Variants in ACSL6 observed in about 807,000 individuals in gnomAD.
ACSL6 encodes long-chain-fatty-acid--CoA ligase 6.
Under a neutral mutation model 98.2 loss-of-function variants are expected in ACSL6, and 47 were observed. The observed-to-expected ratio is 0.48, with a 90% CI of 0.38 to 0.61. The LOEUF is 0.61. Ranked by LOEUF, ACSL6 falls within the 20% of genes least tolerant of loss-of-function variation. The pLI, the probability that ACSL6 is intolerant of heterozygous loss-of-function variation, is 0.00. For synonymous variants in ACSL6, 362 were observed against 336.9 expected (o/e 1.07, Z -0.82); for missense variants, 761 against 913.4 (o/e 0.83, Z 2.15).
intron 1 of ACSL6, among the ~76,000 whole-genome samples, chr5:132,008,746 T>G (rs938964128): frequency 5.9e-5 from 9 of 152,222 alleles, no homozygotes; most frequent in Admixed American, 5.2e-4. Context: ...CCTCCCTATC[T>G]CTGACAAATT....
Position 131,986,748 on chromosome 5 carries a change from C to T in ACSL6, c.864+74G>A. The T allele has an allele frequency of 3.2e-6, 5 of 1,565,694 alleles. No homozygotes were observed. The South Asian group carries it at 3.3e-5, about 10-fold the overall frequency. ...TAACACAGAGGTGCTGTTCTGTGCA[C>T]AGTGAGGGACTCTGTGAGGACAGGC... On this transcript the variant is annotated intron_variant, in intron 8 of 20. Transcript: ENST00000651883.
chr5:132,011,501 T>G lies in ACSL6; in HGVS notation c.49+4A>C. On this transcript the variant is annotated splice_donor_region_variant and intron_variant, in intron 1 of 20. Coordinates refer to ENST00000651883, the MANE Select transcript of ACSL6 (RefSeq NM_001009185.3). The surrounding 1 kb of genome is among the most constrained non-coding windows in gnomAD (Gnocchi z 5.4). ...TCCGGGACGCGGACAGGACGGGCAC[T>G]TACCTACGAATAGCCAGAGGGAGCC... 1 of 1,609,268 alleles carries G rather than the reference T, an allele frequency of 6.2e-7. No homozygotes were observed. The highest frequency in any genetic ancestry group is 1.1e-5 in the South Asian group (1 of 90,952).
intron 17 of ACSL6, among the ~76,000 whole-genome samples, chr5:131,963,652 T>C (rs962743703): frequency 6.6e-5 from 10 of 152,170 alleles, no homozygotes; most frequent in Non-Finnish European, 1.2e-4. Flanking sequence ...GGCTCACCTG[T>C]CCTTGCTCAC....
At chr5:132,001,040 T>C (rs944903161) in intron 1 of ACSL6, among the ~76,000 whole-genome samples, 1 of 152,056 alleles carries the variant, frequency 6.6e-6, no homozygotes, top group African/African-American at 2.4e-5. Flanking sequence ...AATGAACGAA[T>C]ATCTGAGCAC....
intron 15 of ACSL6, 51 bp from the exon 16 acceptor site, chr5:131,968,079 C>T (rs750906361): frequency 6.6e-7 from 1 of 1,525,702 alleles, no homozygotes; most frequent in Non-Finnish European, 9.1e-7. Context: ...TCTGTTTTAG[C>T]ACTGAAGATG....
At position 131,974,610 on chromosome 5, in the gene ACSL6, G is replaced by GC. The variant is rs1561787572; in HGVS notation, c.1068+282dup. On this transcript the variant is annotated intron_variant, in intron 11 of 20. Coordinates refer to ENST00000651883, the MANE Select transcript of ACSL6 (RefSeq NM_001009185.3). Reference sequence around the variant, plus strand: ...GCTCCCAGGAGGGACAAGTGGGGTGGCTAAAGTCCTCTGAGCCCTCTGACC... The same window carrying GC: ...GCTCCCAGGAGGGACAAGTGGGGTGGCCTAAAGTCCTCTGAGCCCTCTGACC... 69 of 865,274 alleles carry GC rather than the reference G, an allele frequency of 8.0e-5. 1 individual carries two copies. The South Asian group carries it at 1.1e-3, about 14-fold the overall frequency. 53.6% of individuals were successfully genotyped at this position (865,274 alleles called of 1,614,324 possible).
intron 17 of ACSL6, among the ~76,000 whole-genome samples, chr5:131,964,566 A>G (rs1752909025): frequency 6.6e-6 from 1 of 152,258 alleles, no homozygotes; most frequent in East Asian, 1.9e-4. Context: ...GTTACAGGGC[A>G]TCAGCAGCAG....
chr5:131,972,581 T>C lies in ACSL6; in HGVS notation c.1338+143A>G, dbSNP rs1753370936. 1.8e-5 allele frequency: 19 copies of C among 1,043,034 alleles called. No individual in the cohort carries two copies. In the South Asian group the frequency reaches 2.6e-4, roughly 14 times the overall value. 64.6% of individuals were successfully genotyped at this position (1,043,034 alleles called of 1,614,324 possible). The stretch of plus-strand genomic sequence containing the variant: ...ATGTCTAAGTTTAAAATTTCAATCA[T>C]AGCTTAAGCTTTGATTTCATGAGCA... On this transcript the variant is annotated intron_variant, in intron 13 of 20. Transcript: ENST00000651883.
chr5:131,999,318 T>G (rs1041716083), intron 1 of ACSL6: 1 of 152,166 alleles, frequency 6.6e-6, no homozygotes, highest in South Asian at 2.1e-4. Flanking sequence ...GGGAAACACT[T>G]AGTAGATAGC....
In ACSL6 at chr5:131,973,362, G is replaced by A; in HGVS notation, c.1107C>T (p.Phe369=). The A allele has an allele frequency of 6.2e-7, 1 of 1,614,198 alleles. No individual in the cohort carries two copies. ...CTGAGAGAAGGCGGATATCTCCCTG[G>A]AAGAAGCCAACACGCCCTCCGTGGC... is the stretch of plus-strand genomic sequence containing the variant. ...VYCHGGRVGF[F]QGDIRLLSDD... Residue 369 remains phenylalanine (F), a synonymous_variant, in exon 12 of 21, where the codon TTC becomes TTT. Transcript: ENST00000651883.
intron 1 of ACSL6, among the ~76,000 whole-genome samples, chr5:132,009,341 G>C (rs1305784330): frequency 2.6e-5 from 4 of 152,168 alleles, no homozygotes; most frequent in African/African-American, 9.7e-5. Flanking sequence ...CCTGTTACTG[G>C]CTGAGTGGAA....
Position 131,954,056 on chromosome 5 carries a change from A to C in ACSL6, c.*178T>G, listed in dbSNP as rs555332897. Reference sequence around the variant, plus strand: ...AATATCATTTTTATAATAAAAATAAAATATACTCATTGATGATAGAGAAAA... The same window carrying C: ...AATATCATTTTTATAATAAAAATAACATATACTCATTGATGATAGAGAAAA... On this transcript the variant is annotated 3_prime_UTR_variant, in exon 21 of 21. Transcript: ENST00000651883. The C allele has an allele frequency of 4.4e-6, 2 of 458,522 alleles. No individual in the cohort carries two copies. Among genetic ancestry groups the C allele is most frequent in the African/African-American group, 4.0e-5 (2 of 49,588 alleles). 28.4% of individuals were successfully genotyped at this position (458,522 alleles called of 1,614,324 possible). A position where few individuals can be genotyped will look rare whatever the true frequency, so the allele number is the denominator to read the frequency against.
At chr5:131,974,703 G>A (rs1007435020) in intron 11 of ACSL6, 190 bp downstream of exon 11, 17 of 1,559,660 alleles carry the variant, frequency 1.1e-5, no homozygotes, top group South Asian at 3.5e-5. Context: ...AGTGACACCC[G>A]CTAGGGTTAT....
intron 2 of ACSL6, among the ~76,000 whole-genome samples, chr5:131,991,906 ATTGG>A (rs1478277254): frequency 6.6e-6 from 1 of 152,210 alleles, no homozygotes; most frequent in Non-Finnish European, 1.5e-5. Context: ...GAAAGTTCTG[ATTGG>A]CCAGTGCTTT....
chr5:132,012,122 T>G (rs898751186), upstream of ACSL6: 2 of 617,974 alleles, frequency 3.2e-6, no homozygotes, highest in African/African-American at 3.8e-5. Flanking sequence ...TGTGGGCTGT[T>G]GCCCGCTGAC....
chr5:131,990,832 C>T (rs893867753), intron 3 of ACSL6, 21 bp downstream of exon 3: 13 of 1,606,450 alleles, frequency 8.1e-6, no homozygotes, highest in Non-Finnish European at 1.1e-5. Flanking sequence ...CCTCCACACC[C>T]CCCCCCACAA....
At chr5:131,982,635 T>C (rs539896424) in intron 9 of ACSL6, 3 of 152,448 alleles carry the variant, frequency 2.0e-5, no homozygotes, top group African/African-American at 4.8e-5. Context: ...GGGCCCTCTC[T>C]TTTCCTCTCA....
Position 131,970,169 on chromosome 5 carries a change from G to A in ACSL6, c.1466C>T (p.Thr489Ile). The A allele has an allele frequency of 1.9e-6, 3 of 1,614,122 alleles. No individual in the cohort carries two copies. Among genetic ancestry groups the A allele is most frequent in the Non-Finnish European group, 2.5e-6 (3 of 1,180,020 alleles). The change falls in exon 15 of 21, where the codon ACA becomes ATA. Residue 489 changes from threonine to isoleucine, a missense_variant. Thr to Ile is a moderately conservative substitution (Grantham distance 89, BLOSUM62 -1). Coordinates refer to ENST00000651883, the MANE Select transcript of ACSL6 (RefSeq NM_001009185.3). ...AGGAGTGGTGAAGGTACATCCAGCT[G>A]TGCACTCAGTTTGGCCATAACCTTC... Reference protein sequence around the residue: ...VYEGYGQTECTAGCTFTTPGD... With the variant: ...VYEGYGQTECIAGCTFTTPGD...
chr5:131,975,928 C>T, intron 10 of ACSL6: 1 of 985,484 alleles, frequency 1.0e-6, no homozygotes, highest in Admixed American at 6.1e-5. Flanking sequence ...CTAAAATAAA[C>T]TGTCTCTCAC....
Sources: gnomAD v4.1 joint callset for allele counts (sites outside exome capture counted in the v4.1 genomes callset) on GRCh38, gnomAD v4.1.1 for gene constraint, Gnocchi (gnomAD v3.1) non-coding constraint, MANE v1.5 for transcripts, NCBI Gene and HGNC (gene_info 2026-07-23, HGNC 2026-07-21) for gene names.